Variants in PDE11A observed in about 807,000 individuals in gnomAD.
The protein encoded by PDE11A is dual 3',5'-cyclic-AMP and -GMP phosphodiesterase 11A.
Under a neutral mutation model 100.5 loss-of-function variants are expected in PDE11A, and 100 were observed. The ratio of observed to expected loss-of-function variants is 1.00; its 90% CI spans 0.85 to 1.18. The LOEUF (loss-of-function observed/expected upper bound fraction) is 1.18. Among genes scored for constraint, PDE11A ranks in the 50% most tolerant of loss-of-function variants. PDE11A has a pLI of 0.00. For missense variants in PDE11A, 1,141 were observed against 1,152.6 expected (o/e 0.99, Z 0.15); for synonymous variants, 381 against 420.8 (o/e 0.91, Z 1.16).
intron 1 of PDE11A, among the ~76,000 whole-genome samples, chr2:178,039,854 A>G (rs1231558202): frequency 6.6e-6 from 1 of 152,048 alleles, no homozygotes; most frequent in Non-Finnish European, 1.5e-5. Context: ...AAAAGAATAC[A>G]TGTAGAATGA....
Position 178,014,427 on chromosome 2 carries a change from T to C in PDE11A, c.946A>G (p.Thr316Ala). The part of the protein sequence containing the change: ...RRFNDEIDKL[T>A]GYKTKSLLCM... ...AATAATGATTTTGTCTTGTATCCAG[T>C]TAGCTTGTCGATTTCATCATTGAAT... The change falls in exon 2 of 20, where the codon ACT (threonine) becomes GCT (alanine). Residue 316 changes from threonine (T) to alanine (A), a missense_variant. Coordinates refer to ENST00000286063, the MANE Select transcript of PDE11A (RefSeq NM_016953.4). 4.3e-6 allele frequency: 7 copies of C among 1,613,360 alleles called. No individual in the cohort carries two copies. The highest frequency in any genetic ancestry group is 5.9e-6 in the Non-Finnish European group (7 of 1,179,376).
chr2:177,765,225 A>C (rs1475154164), intron 10 of PDE11A, among the ~76,000 whole-genome samples: 2 of 152,204 alleles, frequency 1.3e-5, no homozygotes, highest in Non-Finnish European at 2.9e-5. Flanking sequence ...AAAATCCCAA[A>C]ACATAAAGGA....
At chr2:177,997,170 T>C (rs1419133793) in intron 2 of PDE11A, 4 of 1,146,378 alleles carry the variant, frequency 3.5e-6, no homozygotes, top group South Asian at 2.6e-5. Flanking sequence ...CTCATGACTA[T>C]GCTGAAGAAT....
At chr2:177,995,648 C>CCT (rs540888268) in intron 2 of PDE11A, among the ~76,000 whole-genome samples, 2 of 151,160 alleles carry the variant, frequency 1.3e-5, no homozygotes, top group Admixed American at 6.6e-5. Context: ...CAAACACCAC[C>CCT]CACCCCGCAT....
At chr2:177,948,056 T>C (rs1474116265) in intron 2 of PDE11A, among the ~76,000 whole-genome samples, 1 of 151,688 alleles carries the variant, frequency 6.6e-6, no homozygotes, top group East Asian at 1.9e-4. Context: ...TTTAACAGAG[T>C]CAAAATAATA....
intron 5 of PDE11A, among the ~76,000 whole-genome samples, chr2:177,854,012 ATATT>A (rs972094932): frequency 5.3e-5 from 8 of 151,454 alleles, no homozygotes; most frequent in African/African-American, 1.5e-4. Context: ...ATTTGTTAAA[ATATT>A]AATTAAAGCA....
chr2:177,866,262 T>C (rs1248186295), intron 5 of PDE11A, among the ~76,000 whole-genome samples: 2 of 152,174 alleles, frequency 1.3e-5, no homozygotes. Context: ...CCCCTGGAGC[T>C]GTTCCCCGTC....
At chr2:177,645,702 A>T (rs2080214373) in intron 19 of PDE11A, among the ~76,000 whole-genome samples, 1 of 152,364 alleles carries the variant, frequency 6.6e-6, no homozygotes, top group South Asian at 2.1e-4. Flanking sequence ...AATGCTTAGT[A>T]TGAAGGCATA....
intron 12 of PDE11A, among the ~76,000 whole-genome samples, chr2:177,722,413 G>T (rs936872424): frequency 2.6e-5 from 4 of 152,166 alleles, no homozygotes; most frequent in Non-Finnish European, 5.9e-5. Context: ...GAGAGGAAAT[G>T]GATTGGATTA....
chr2:177,746,004 C>T (rs2081943055), intron 10 of PDE11A, among the ~76,000 whole-genome samples: 1 of 152,174 alleles, frequency 6.6e-6, no homozygotes, highest in Non-Finnish European at 1.5e-5. Context: ...CCTTGGACTG[C>T]TGCCCTTGAA....
intron 5 of PDE11A, among the ~76,000 whole-genome samples, chr2:177,866,021 G>GA (rs563652691): frequency 1.7e-4 from 26 of 150,916 alleles, no homozygotes; most frequent in Admixed American, 4.0e-4. Flanking sequence ...TACATCTCAA[G>GA]AAAAAAAAAC....
At chr2:177,639,811 G>A (rs931843537) in intron 19 of PDE11A, among the ~76,000 whole-genome samples, 6 of 152,166 alleles carry the variant, frequency 3.9e-5, no homozygotes, top group Admixed American at 3.3e-4. Context: ...GACAAGGGAG[G>A]AGCAGAGAGA....
At chr2:177,696,061 G>A (rs1451330065) in intron 15 of PDE11A, among the ~76,000 whole-genome samples, 3 of 152,186 alleles carry the variant, frequency 2.0e-5, no homozygotes, top group African/African-American at 2.4e-5. Context: ...TCTGGTTGAC[G>A]TAGACCAATC....
At chr2:177,812,044 C>T (rs1053440354) in intron 9 of PDE11A, among the ~76,000 whole-genome samples, 5 of 152,200 alleles carry the variant, frequency 3.3e-5, no homozygotes, top group East Asian at 1.9e-4. Flanking sequence ...AGATTAAGGA[C>T]TCCAAATGCA....
At chr2:177,928,104 C>CAAAAAAAAAAA (rs59085357) in intron 2 of PDE11A, among the ~76,000 whole-genome samples, 1 of 56,426 alleles carries the variant, frequency 1.8e-5, no homozygotes, top group Non-Finnish European at 3.3e-5. Flanking sequence ...AACTCCATCT[C>CAAAAAAAAAAA]AAAAAAAAAA....
At position 178,085,732 on chromosome 2, in the gene PDE11A, C is replaced by T. The variant is rs568306235; in HGVS notation, c.162+18570G>A. Among the ~76,000 whole-genome samples, 8 of 152,040 alleles carry T rather than the reference C, an allele frequency of 5.3e-5. No individual in the cohort carries two copies. In the East Asian group the frequency reaches 1.3e-3, roughly 26 times the overall value. On this transcript the variant is annotated intron_variant, in intron 2 of 20. Coordinates refer to the PDE11A transcript ENST00000358450. ...GAGAATCCAGAGATCCTAGAAGTTG[C>T]CCACCTGAAATCTGCAACTATTTCT... is the stretch of plus-strand genomic sequence containing the variant.
At chr2:178,018,193 G>GTCA (rs2086363126) in intron 1 of PDE11A, 1 of 365,156 alleles carries the variant, frequency 2.7e-6, no homozygotes, top group Admixed American at 3.5e-5. Context: ...CCACTGGACT[G>GTCA]GTGACGGGGT....
At chr2:177,692,427 T>C (rs1354046546) in intron 15 of PDE11A, among the ~76,000 whole-genome samples, 2 of 152,244 alleles carry the variant, frequency 1.3e-5, no homozygotes, top group Admixed American at 1.3e-4. Context: ...CAAAGCTCTT[T>C]CATAAAATTA....
chr2:177,998,870 C>G, intron 2 of PDE11A: 1 of 582,498 alleles, frequency 1.7e-6, no homozygotes, highest in Admixed American at 3.1e-5. Context: ...CACTATTACA[C>G]CCAACTGGAT....
Sources: gnomAD v4.1 joint callset for allele counts (sites outside exome capture counted in the v4.1 genomes callset) on GRCh38, gnomAD v4.1.1 for gene constraint, MANE v1.5 for transcripts, NCBI Gene and HGNC (gene_info 2026-07-23, HGNC 2026-07-21) for gene names.